The following CLVS1 variants were observed in gnomAD, a reference collection of about 807,000 sequenced individuals.
CLVS1 encodes the protein clavesin 1.
CLVS1 carries 10 observed loss-of-function variants against 33.1 expected under a neutral mutation model. That is an observed-to-expected ratio of 0.30 (90% CI 0.19 to 0.51). The LOEUF (loss-of-function observed/expected upper bound fraction) is 0.51. Ranked by LOEUF, CLVS1 falls within the 20% of genes least tolerant of loss-of-function variation. The pLI is 0.97. For missense variants in CLVS1, 343 were observed against 433.4 expected (o/e 0.79, Z 1.85); for synonymous variants, 163 against 166.1 (o/e 0.98, Z 0.14).
chr8:61,261,295 G>A (rs935608244), intron 2 of CLVS1, among the ~76,000 whole-genome samples: 1 of 152,184 alleles, frequency 6.6e-6, no homozygotes, highest in Non-Finnish European at 1.5e-5. Context: ...GTGAAACACT[G>A]GTTAAGCAAC....
the CLVS1 span, among the ~76,000 whole-genome samples, chr8:60,998,281 C>T: frequency 2.0e-5 from 3 of 152,238 alleles, no homozygotes; most frequent in African/African-American, 7.2e-5. Context: ...AAGTCCTTAC[C>T]CACACCCTAC....
chr8:61,111,570 T>C (rs1805628766), intron 1 of CLVS1, among the ~76,000 whole-genome samples: 1 of 152,236 alleles, frequency 6.6e-6, no homozygotes, highest in South Asian at 2.1e-4. Context: ...TAGTTCCATC[T>C]ATATTTATGG....
At chr8:61,157,278 A>G (rs1162982854) in intron 2 of CLVS1, among the ~76,000 whole-genome samples, 5 of 152,032 alleles carry the variant, frequency 3.3e-5, no homozygotes, top group Non-Finnish European at 7.4e-5. Context: ...AGATGCACTA[A>G]AACGATTTAC....
chr8:60,979,195 T>A, the CLVS1 span, among the ~76,000 whole-genome samples: 1 of 152,236 alleles, frequency 6.6e-6, no homozygotes, highest in East Asian at 1.9e-4. Context: ...AACAACTCTG[T>A]TTTCTTATCT....
chr8:61,113,871 C>T (rs1292375858), intron 1 of CLVS1, among the ~76,000 whole-genome samples: 1 of 152,200 alleles, frequency 6.6e-6, no homozygotes, highest in Non-Finnish European at 1.5e-5. Context: ...GCTCAGGCAA[C>T]CCTCCTCTTG....
At position 61,356,547 on chromosome 8, in the gene CLVS1, G is replaced by A. The variant is rs575628761; in HGVS notation, c.456-20058G>A. 3.0e-4 allele frequency among the ~76,000 whole-genome samples: 45 copies of A among 151,472 alleles called. No individual in the cohort carries two copies. In the South Asian group the frequency reaches 8.9e-3, roughly 30 times the overall value. ...TTCTTCTAGGGTTTTTATGGTTTTAGGTCTAACGTTTAAGTCTTTAATCCA... is the reference window on the plus strand; with the variant it reads ...TTCTTCTAGGGTTTTTATGGTTTTAAGTCTAACGTTTAAGTCTTTAATCCA... On this transcript the variant is annotated intron_variant, in intron 2 of 5. Transcript: ENST00000325897.
At chr8:61,496,892 T>A (rs750615257) in intron 5 of CLVS1, among the ~76,000 whole-genome samples, 16 of 152,164 alleles carry the variant, frequency 1.1e-4, no homozygotes, top group Non-Finnish European at 2.1e-4. Context: ...CCTGTCAACA[T>A]CTCCACTTTC....
chr8:61,414,711 C>T (rs973740916), intron 3 of CLVS1, among the ~76,000 whole-genome samples: 2 of 152,178 alleles, frequency 1.3e-5, no homozygotes, highest in South Asian at 4.1e-4. Flanking sequence ...GAAAGAGAAA[C>T]ACCCTCAAGG....
intron 2 of CLVS1, among the ~76,000 whole-genome samples, chr8:61,143,815 T>C (rs142660973): frequency 0.015 from 2,171 of 147,624 alleles, 24 homozygotes; most frequent in South Asian, 0.029. Flanking sequence ...ATATTTAAAT[T>C]CACATATATA....
chr8:61,330,545 A>T (rs1334822834), intron 2 of CLVS1, among the ~76,000 whole-genome samples: 1 of 152,214 alleles, frequency 6.6e-6, no homozygotes, highest in East Asian at 1.9e-4. Context: ...CACCTTCAGC[A>T]GTGATGGGAC....
chr8:61,476,848 G>A (rs1379780598), intron 5 of CLVS1, among the ~76,000 whole-genome samples: 1 of 152,184 alleles, frequency 6.6e-6, no homozygotes, highest in Admixed American at 6.5e-5. Context: ...AATAGGAGTG[G>A]TGGGAGACGG....
At chr8:61,266,343 C>T (rs533083165) in intron 2 of CLVS1, among the ~76,000 whole-genome samples, 8 of 151,426 alleles carry the variant, frequency 5.3e-5, no homozygotes, top group Non-Finnish European at 8.8e-5. Context: ...ACTGCTTTTC[C>T]CCACTGGCCA....
the CLVS1 span, among the ~76,000 whole-genome samples, chr8:61,013,724 A>C: frequency 1.3e-5 from 2 of 152,202 alleles, no homozygotes; most frequent in Admixed American, 1.3e-4. Context: ...GCCAAAATCA[A>C]CATGCTGGTC....
chr8:61,187,657 T>G (rs1807369149), intron 2 of CLVS1, among the ~76,000 whole-genome samples: 2 of 151,570 alleles, frequency 1.3e-5, no homozygotes, highest in South Asian at 2.1e-4. Context: ...GCCAGATATA[T>G]TCTATTTCCA....
chr8:61,465,292 T>G (rs1817507823), intron 5 of CLVS1: 1 of 152,170 alleles, frequency 6.6e-6, no homozygotes, highest in Non-Finnish European at 1.5e-5. Context: ...GCACCGACCT[T>G]GGGACCCAAT....
At chr8:61,091,521 G>A (rs1340908036) in intron 1 of CLVS1, among the ~76,000 whole-genome samples, 1 of 152,156 alleles carries the variant, frequency 6.6e-6, no homozygotes, top group Non-Finnish European at 1.5e-5. Flanking sequence ...ATGAATGAGG[G>A]AGCAGATTTC....
chr8:61,324,272 C>T (rs1392638567), intron 2 of CLVS1, among the ~76,000 whole-genome samples: 1 of 152,050 alleles, frequency 6.6e-6, no homozygotes, highest in African/African-American at 2.4e-5. Context: ...GCAGTTTCCC[C>T]TATACTTTTC....
At chr8:61,416,944 G>A (rs147555506) in intron 3 of CLVS1, among the ~76,000 whole-genome samples, 11 of 152,282 alleles carry the variant, frequency 7.2e-5, no homozygotes, top group South Asian at 2.1e-4. Flanking sequence ...CCAAGGCAGC[G>A]TGAAGTTGAT....
the CLVS1 span, among the ~76,000 whole-genome samples, chr8:61,025,740 C>T: frequency 6.6e-6 from 1 of 152,212 alleles, no homozygotes; most frequent in Non-Finnish European, 1.5e-5. Context: ...GCAAGCCTCC[C>T]TGCCAACGTG....
Sources: gnomAD v4.1 joint callset for allele counts (sites outside exome capture counted in the v4.1 genomes callset) on GRCh38, gnomAD v4.1.1 for gene constraint, MANE v1.5 for transcripts, NCBI Gene and HGNC (gene_info 2026-07-23, HGNC 2026-07-21) for gene names.